The following RABEPK variants were observed in gnomAD, a reference collection of about 807,000 sequenced individuals.
RABEPK encodes the protein 40 kDa Rab9 effector protein.
Under a neutral mutation model 34.1 loss-of-function variants are expected in RABEPK, and 27 were observed. The observed-to-expected ratio is 0.79, with a 90% CI of 0.58 to 1.09. The LOEUF (loss-of-function observed/expected upper bound fraction) is 1.09. RABEPK is among the 50% of genes least tolerant of loss of function. The pLI, the probability that RABEPK is intolerant of heterozygous loss-of-function variation, is 0.00. For missense variants in RABEPK, 449 were observed against 462.6 expected, an observed-to-expected ratio of 0.97 and a Z score of 0.27; for synonymous variants, 172 against 169.2, an observed-to-expected ratio of 1.02 and a Z score of -0.13.
chr9:125,206,387 A>C (rs888018524), intron 2 of RABEPK, among the ~76,000 whole-genome samples: 2 of 151,988 alleles, frequency 1.3e-5, no homozygotes, highest in South Asian at 4.2e-4. Flanking sequence ...AGTCCCAGCT[A>C]CTCGGGAGGC....
chr9:125,214,154 TAAAAA>T, intron 4 of RABEPK, among the ~76,000 whole-genome samples: 1 of 151,952 alleles, frequency 6.6e-6, no homozygotes, highest in African/African-American at 2.4e-5. Context: ...AAAATTTTTT[TAAAAA>T]TAAAGTCACA....
intron 3 of RABEPK, among the ~76,000 whole-genome samples, chr9:125,211,747 C>A (rs1830601259): frequency 6.6e-6 from 1 of 152,096 alleles, no homozygotes; most frequent in Admixed American, 6.6e-5. Context: ...GCGGGTGGGT[C>A]ACTTGAGGTC....
intron 2 of RABEPK, 132 bp from the exon 3 acceptor site, chr9:125,207,432 C>G: frequency 1.0e-6 from 1 of 961,058 alleles, no homozygotes; most frequent in Non-Finnish European, 1.6e-6. Flanking sequence ...AGAAGTGCTG[C>G]TTTATTGGGT....
chr9:125,226,774 G>T (rs1831784161), intron 5 of RABEPK, among the ~76,000 whole-genome samples: 1 of 152,156 alleles, frequency 6.6e-6, no homozygotes, highest in Non-Finnish European at 1.5e-5. Flanking sequence ...TGAGGCAGGA[G>T]AATTGCTTGA....
At chr9:125,226,328 CAA>C (rs539490598) in intron 5 of RABEPK, among the ~76,000 whole-genome samples, 36 of 91,600 alleles carry the variant, frequency 3.9e-4, no homozygotes, top group Non-Finnish European at 3.6e-4. Flanking sequence ...CGACCCCCTG[CAA>C]AAAAAAAAAA....
Position 125,229,906 on chromosome 9 carries a change from A to G in RABEPK, c.676+1847A>G, listed in dbSNP as rs550439784. On this transcript the variant is annotated intron_variant, in intron 6 of 7. Transcript: ENST00000373538. The stretch of plus-strand genomic sequence containing the variant: ...GTCCATTATGGTAGGGAACTTGTCT[A>G]TTTTGTTCTCCAGTACATTTCTAGC... Among the ~76,000 whole-genome samples the G allele has an allele frequency of 3.2e-4, 48 of 152,252 alleles. No individual in the cohort carries two copies. The Middle Eastern group carries it at 0.017, about 54-fold the overall frequency.
chr9:125,234,094 T>G lies in RABEPK; in HGVS notation c.*114T>G. On this transcript the variant is annotated 3_prime_UTR_variant, in exon 8 of 8. Transcript: ENST00000373538. ...ATTATATATCTGTTTTTCTCCTACT[T>G]TGGTAGGTGAAGAAACTAATGCAAA... is the stretch of plus-strand genomic sequence containing the variant. The G allele has an allele frequency of 9.0e-7, 1 of 1,115,324 alleles. No homozygotes were observed. Among genetic ancestry groups the G allele is most frequent in the Non-Finnish European group, 1.3e-6 (1 of 771,330 alleles). 69.1% of individuals were successfully genotyped at this position (1,115,324 alleles called of 1,614,324 possible). A position where few individuals can be genotyped will look rare whatever the true frequency, so the allele number is the denominator to read the frequency against.
intron 2 of RABEPK, among the ~76,000 whole-genome samples, chr9:125,206,484 C>T (rs10986639): frequency 0.015 from 2,175 of 145,396 alleles, 105 homozygotes; most frequent in East Asian, 0.087. Flanking sequence ...GGCAACAGAG[C>T]GAGACTCCGT....
chr9:125,218,179 G>A (rs359579), intron 4 of RABEPK, among the ~76,000 whole-genome samples: 78,434 of 150,586 alleles, frequency 0.52, 20,942 homozygotes, highest in Middle Eastern at 0.57. Context: ...AATTAGCCGG[G>A]CATGGTGGCG....
intron 4 of RABEPK, among the ~76,000 whole-genome samples, chr9:125,219,409 T>A (rs536304030): frequency 2.1e-4 from 32 of 151,786 alleles, no homozygotes; most frequent in Admixed American, 1.7e-3. Flanking sequence ...TATTATTATT[T>A]TTTAAGATGA....
At chr9:125,229,588 C>T (rs1008648723) in intron 6 of RABEPK, among the ~76,000 whole-genome samples, 4 of 152,158 alleles carry the variant, frequency 2.6e-5, no homozygotes, top group Non-Finnish European at 5.9e-5. Flanking sequence ...TTACTATGGA[C>T]CCAGCCATTT....
Position 125,231,038 on chromosome 9 carries a change from C to T in RABEPK, c.677-1558C>T, listed in dbSNP as rs150120073. On this transcript the variant is annotated intron_variant, in intron 6 of 7. Coordinates refer to ENST00000373538, the MANE Select transcript of RABEPK (RefSeq NM_005833.4). ...CTTGTTTTGGCTGGGAGCAGTGGCTCACCCCTGTAATCCCAGCACTTTGGG... is the reference window on the plus strand; with the variant it reads ...CTTGTTTTGGCTGGGAGCAGTGGCTTACCCCTGTAATCCCAGCACTTTGGG... Among the ~76,000 whole-genome samples the T allele has an allele frequency of 6.4e-4, 97 of 152,128 alleles. No homozygotes were observed. The East Asian group carries it at 0.018, about 28-fold the overall frequency.
At chr9:125,218,348 AGAACT>A (rs1411420000) in intron 4 of RABEPK, among the ~76,000 whole-genome samples, 1 of 150,580 alleles carries the variant, frequency 6.6e-6, no homozygotes, top group South Asian at 2.1e-4. Context: ...AAAAAAAAAA[AGAACT>A]GAGTTCAAAC....
chr9:125,207,823 C>A, intron 3 of RABEPK, 102 bp downstream of exon 3: 1 of 1,427,802 alleles, frequency 7.0e-7, no homozygotes. Context: ...GCAGGGTTTT[C>A]CTATAAGAAA....
chr9:125,214,939 C>T (rs147824705), intron 4 of RABEPK, among the ~76,000 whole-genome samples: 3,935 of 151,518 alleles, frequency 0.026, 159 homozygotes, highest in African/African-American at 0.087. Context: ...TACAGGCATG[C>T]GCCACCATGC....
chr9:125,228,800 A>G, intron 6 of RABEPK, among the ~76,000 whole-genome samples: 1 of 151,642 alleles, frequency 6.6e-6, no homozygotes, highest in South Asian at 2.1e-4. Flanking sequence ...CATCTCTACT[A>G]AAAATAAAAA....
rs1209587967 is a variant in RABEPK, at chr9:125,200,571, G to T, written c.-342G>T. The stretch of plus-strand genomic sequence containing the variant: ...TCACGGCTCGCGACTGGCCTAAGTC[G>T]CCGCAGGTATTGCAGTCCGGGGCTG... On this transcript the variant is annotated 5_prime_UTR_variant, in exon 1 of 8. Coordinates refer to ENST00000373538, the MANE Select transcript of RABEPK (RefSeq NM_005833.4). The T allele has an allele frequency of 9.8e-6, 4 of 406,616 alleles. No homozygotes were observed. Among genetic ancestry groups the T allele is most frequent in the Non-Finnish European group, 1.6e-5 (3 of 192,560 alleles). 25.2% of individuals were successfully genotyped at this position (406,616 alleles called of 1,614,324 possible).
intron 6 of RABEPK, 144 bp downstream of exon 6, chr9:125,228,203 C>A: frequency 1.6e-6 from 1 of 624,136 alleles, no homozygotes; most frequent in Non-Finnish European, 2.4e-6. Flanking sequence ...TCAAGTAATC[C>A]TCCTACCTCA....
At chr9:125,226,264 C>T (rs1831737023) in intron 5 of RABEPK, among the ~76,000 whole-genome samples, 1 of 150,110 alleles carries the variant, frequency 6.7e-6, no homozygotes, top group Non-Finnish European at 1.5e-5. Flanking sequence ...TTGCAGTGGG[C>T]GAAGATCGCA....
Sources: gnomAD v4.1 joint callset for allele counts (sites outside exome capture counted in the v4.1 genomes callset) on GRCh38, gnomAD v4.1.1 for gene constraint, MANE v1.5 for transcripts, NCBI Gene and HGNC (gene_info 2026-07-23, HGNC 2026-07-21) for gene names.